DBT: variants seen among roughly 807,000 people sequenced by gnomAD.
DBT encodes the protein lipoamide acyltransferase component of branched-chain alpha-keto acid dehydrogenase complex, mitochondrial.
DBT carries 40 observed loss-of-function variants against 51.3 expected under a neutral mutation model. The observed-to-expected ratio is 0.78, with a 90% CI of 0.61 to 1.02. DBT has a LOEUF of 1.02. DBT is among the 50% of genes least tolerant of loss of function. The probability of loss-of-function intolerance (pLI) is 0.00; values close to 1 mark genes in which losing one functional copy is unlikely to be tolerated. For missense variants in DBT, 510 were observed against 580.2 expected (o/e 0.88, Z 1.24); for synonymous variants, 181 against 190.4 (o/e 0.95, Z 0.41).
intron 10 of DBT, among the ~76,000 whole-genome samples, chr1:100,203,467 C>A (rs1227955783): frequency 6.6e-6 from 1 of 152,140 alleles, no homozygotes; most frequent in Non-Finnish European, 1.5e-5. Flanking sequence ...AATAGCCTAC[C>A]AACCAAACAA....
At chr1:100,235,754 T>G (rs1663826293) in intron 2 of DBT, among the ~76,000 whole-genome samples, 1 of 152,136 alleles carries the variant, frequency 6.6e-6, no homozygotes, top group Admixed American at 6.5e-5. Context: ...TTTTCTAACT[T>G]CCAAAATGGT....
In DBT at chr1:100,213,598, C is replaced by T. The variant is rs1662295639; in HGVS notation, c.939+1219G>A. The T allele has an allele frequency of 1.6e-5, 25 of 1,597,036 alleles. 1 individual carries two copies. The South Asian group carries it at 2.5e-4, about 16-fold the overall frequency. Reference sequence around the variant, plus strand: ...GCATCTTCCTGGCCATCATCCTGTTCCCCTTTGGGTTCATTTGCTGTTTTG... The same window carrying T: ...GCATCTTCCTGGCCATCATCCTGTTTCCCTTTGGGTTCATTTGCTGTTTTG... On this transcript the variant is annotated intron_variant, in intron 7 of 10. Coordinates refer to ENST00000370132, the MANE Select transcript of DBT (RefSeq NM_001918.5).
chr1:100,230,442 A>G (rs1663473715), intron 4 of DBT, among the ~76,000 whole-genome samples: 1 of 152,206 alleles, frequency 6.6e-6, no homozygotes, highest in Non-Finnish European at 1.5e-5. Context: ...TACCCAGAGG[A>G]GAAAGGATGG....
At chr1:100,212,207 C>T (rs1662190043) in intron 7 of DBT, among the ~76,000 whole-genome samples, 1 of 152,098 alleles carries the variant, frequency 6.6e-6, no homozygotes, top group Admixed American at 6.5e-5. Context: ...CAAGAAAATA[C>T]AAGGTATGTG....
intron 10 of DBT, among the ~76,000 whole-genome samples, chr1:100,202,676 GA>G (rs1661527021): frequency 6.6e-6 from 1 of 152,058 alleles, no homozygotes; most frequent in South Asian, 2.1e-4. Context: ...CACACAATTG[GA>G]AGTAAAACTC....
rs1027655726 is a variant in DBT at position 100,223,834 on chromosome 1, T to A, written c.434-5087A>T. Among the ~76,000 whole-genome samples, 5 of 151,950 alleles carry A rather than the reference T, an allele frequency of 3.3e-5. No individual in the cohort carries two copies. In the South Asian group the frequency reaches 8.3e-4, roughly 25 times the overall value. ...AGCTTTGATATAATGGTGATAATGT[T>A]AAGTAAAAAAAAAAATTAAGTAACT... On this transcript the variant is annotated intron_variant, in intron 4 of 10. Transcript: ENST00000370132.
At chr1:100,249,215 G>T in intron 1 of DBT, 1 of 389,792 alleles carries the variant, frequency 2.6e-6, no homozygotes, top group Non-Finnish European at 3.6e-6. Context: ...GGGAGATGGT[G>T]ATGGGTCACA....
rs894985949 is a variant in DBT, at chr1:100,188,325, C to T, written c.*7930G>A. Reference sequence around the variant, plus strand: ...CTTGCCTTTGTTACTACAGTTTGAACTCCAGCTACATTTTTCTAAGAAATT... The same window carrying T: ...CTTGCCTTTGTTACTACAGTTTGAATTCCAGCTACATTTTTCTAAGAAATT... On this transcript the variant is annotated 3_prime_UTR_variant, in exon 11 of 11. Coordinates refer to ENST00000370132, the MANE Select transcript of DBT (RefSeq NM_001918.5). The T allele has an allele frequency of 7.9e-5, 12 of 152,222 alleles. No homozygotes were observed. Among genetic ancestry groups the T allele is most frequent in the African/African-American group, 2.9e-4 (12 of 41,454 alleles). 9.4% of individuals were successfully genotyped at this position (152,222 alleles called of 1,614,324 possible).
At position 100,225,042 on chromosome 1, in the gene DBT, A is replaced by AAAATATAT. The variant is rs59482100; in HGVS notation, c.433+5690_433+5691insATATATTT. Among the ~76,000 whole-genome samples, 4 of 45,630 alleles carry AAAATATAT rather than the reference A, an allele frequency of 8.8e-5. 1 individual carries two copies. The highest frequency in any genetic ancestry group is 5.5e-4 in the Admixed American group (2 of 3,626). 29.9% of individuals were successfully genotyped at this position (45,630 alleles called of 152,430 possible). On this transcript the variant is annotated intron_variant, in intron 4 of 10. Transcript: ENST00000370132. ...CCCCCCAAAAAAAAAAAAAAAAAAA[A>AAAATATAT]ATATATATATACACACACACACACA... is the stretch of plus-strand genomic sequence containing the variant.
chr1:100,206,613 T>A lies in DBT; in HGVS notation c.1041A>T (p.Ala347=), dbSNP rs1399608505. The part of the protein sequence containing the change: ...TYKASHNIGI[A]MDTEQGLIVP... ...CAATCAAACCCTGCTCAGTATCCAT[T>A]GCTATCCCAATGTTATGAGAAGCCT... The change falls in exon 9 of 11, where the codon GCA becomes GCT. Residue 347 remains alanine, a synonymous_variant. Transcript: ENST00000370132. 1 of 1,609,534 alleles carries A rather than the reference T, an allele frequency of 6.2e-7. No individual in the cohort carries two copies. The highest frequency in any genetic ancestry group is 1.1e-5 in the South Asian group (1 of 90,982).
intron 4 of DBT, among the ~76,000 whole-genome samples, chr1:100,223,026 A>C: frequency 6.6e-6 from 1 of 152,186 alleles, no homozygotes; most frequent in East Asian, 1.9e-4. Flanking sequence ...GTGGGTGATG[A>C]CCTGGCACAA....
chr1:100,230,963 A>G (rs553892499), intron 3 of DBT, 49 bp from the exon 4 acceptor site: 13 of 1,115,822 alleles, frequency 1.2e-5, no homozygotes, highest in Admixed American at 3.4e-5. Flanking sequence ...TCATAAGTAC[A>G]GATCATATTA....
intron 6 of DBT, among the ~76,000 whole-genome samples, chr1:100,215,515 G>A (rs192285208): frequency 1.3e-5 from 2 of 152,252 alleles, no homozygotes; most frequent in African/African-American, 4.8e-5. Context: ...GAAAAGCTAT[G>A]CTATTTCACC....
At chr1:100,208,931 A>G (rs1304769815) in intron 8 of DBT, among the ~76,000 whole-genome samples, 5 of 151,098 alleles carry the variant, frequency 3.3e-5, no homozygotes, top group African/African-American at 1.2e-4. Flanking sequence ...AAAAAAGAAA[A>G]AGAAAAAAGC....
At chr1:100,242,259 G>T (rs1416791680) in intron 1 of DBT, among the ~76,000 whole-genome samples, 8 of 151,178 alleles carry the variant, frequency 5.3e-5, no homozygotes, top group Admixed American at 1.3e-4. Context: ...ACTTTTAAAG[G>T]CTATGTTATA....
intron 5 of DBT, among the ~76,000 whole-genome samples, chr1:100,217,308 TG>T (rs1409711408): frequency 4.6e-5 from 7 of 152,130 alleles, no homozygotes; most frequent in Non-Finnish European, 7.4e-5. Flanking sequence ...CAAAGCAAAA[TG>T]TTAAATCATT....
At chr1:100,204,891 C>T (rs1661673709) in intron 10 of DBT, among the ~76,000 whole-genome samples, 1 of 152,190 alleles carries the variant, frequency 6.6e-6, no homozygotes, top group Non-Finnish European at 1.5e-5. Flanking sequence ...GTTGGGACAA[C>T]TGGCTAGCCA....
intron 5 of DBT, among the ~76,000 whole-genome samples, chr1:100,217,055 T>C (rs889740056): frequency 6.6e-6 from 1 of 152,168 alleles, no homozygotes. Flanking sequence ...TACAAACAAC[T>C]GTAAATGCCA....
chr1:100,233,276 A>G (rs916821863), intron 3 of DBT, among the ~76,000 whole-genome samples: 5 of 152,222 alleles, frequency 3.3e-5, no homozygotes, highest in African/African-American at 1.2e-4. Flanking sequence ...AAAAGCACAC[A>G]TAACATCTAA....
Sources: allele counts gnomAD v4.1 joint callset (sites outside exome capture counted in the v4.1 genomes callset), GRCh38; gene constraint gnomAD v4.1.1; transcripts MANE v1.5; gene names NCBI Gene and HGNC (gene_info 2026-07-23, HGNC 2026-07-21).